PTPRK: variants seen among roughly 807,000 people sequenced by gnomAD.
The protein encoded by PTPRK is receptor-type tyrosine-protein phosphatase kappa.
In PTPRK, 75 loss-of-function variants were observed where a neutral mutation model predicts 178.0. That is an observed-to-expected ratio of 0.42 (90% CI 0.35 to 0.51). PTPRK has a LOEUF of 0.51. Ranked by LOEUF, PTPRK falls within the 20% of genes least tolerant of loss-of-function variation. PTPRK has a pLI of 0.02. For missense variants in PTPRK, 1,441 were observed against 1,797.8 expected, an observed-to-expected ratio of 0.80 and a Z score of 3.59; for synonymous variants, 637 against 620.6, an observed-to-expected ratio of 1.03 and a Z score of -0.39.
intron 13 of PTPRK, among the ~76,000 whole-genome samples, chr6:128,036,625 A>G (rs888590052): frequency 6.6e-6 from 1 of 152,246 alleles, no homozygotes; most frequent in African/African-American, 2.4e-5. Context: ...GAAATAAATA[A>G]AGAAAATAAA....
chr6:128,493,470 G>A (rs1338198613), intron 1 of PTPRK, among the ~76,000 whole-genome samples: 1 of 151,812 alleles, frequency 6.6e-6, no homozygotes, highest in East Asian at 1.9e-4. Context: ...GCTGAGGCAG[G>A]AGAATGGCGT....
chr6:128,304,046 C>T (rs1236394124), intron 3 of PTPRK, among the ~76,000 whole-genome samples: 1 of 152,144 alleles, frequency 6.6e-6, no homozygotes, highest in Non-Finnish European at 1.5e-5. Context: ...AATTTTGGAG[C>T]ATTAACATTA....
intron 29 of PTPRK, among the ~76,000 whole-genome samples, chr6:127,971,981 C>T (rs751684219): frequency 2.0e-5 from 3 of 152,112 alleles, no homozygotes; most frequent in Non-Finnish European, 4.4e-5. Context: ...GCACCCCAAT[C>T]AAAACCAATG....
At chr6:128,384,792 T>G (rs1838462724) in intron 2 of PTPRK, among the ~76,000 whole-genome samples, 1 of 152,020 alleles carries the variant, frequency 6.6e-6, no homozygotes, top group Admixed American at 6.6e-5. Context: ...TGTCAAATAT[T>G]ATATTAATGC....
At chr6:128,210,457 G>T (rs889457409) in intron 6 of PTPRK, among the ~76,000 whole-genome samples, 3 of 150,988 alleles carry the variant, frequency 2.0e-5, no homozygotes, top group Middle Eastern at 3.2e-3. Flanking sequence ...TTTTGGGGAG[G>T]GGGGGTGGGG....
intron 2 of PTPRK, among the ~76,000 whole-genome samples, chr6:128,359,539 G>A (rs1398099255): frequency 1.3e-5 from 2 of 151,956 alleles, no homozygotes; most frequent in Non-Finnish European, 2.9e-5. Flanking sequence ...ATCACCTGAG[G>A]TCAGGAGCCC....
chr6:128,444,798 C>A (rs1208807843), intron 1 of PTPRK, among the ~76,000 whole-genome samples: 1 of 152,062 alleles, frequency 6.6e-6, no homozygotes. Flanking sequence ...TATTTATTGT[C>A]CATTCAAAGA....
Position 128,029,928 on chromosome 6 carries a change from G to A in PTPRK, c.2195-20660C>T, listed in dbSNP as rs536900994. Among the ~76,000 whole-genome samples the A allele has an allele frequency of 8.5e-5, 13 of 152,230 alleles. No homozygotes were observed. The South Asian group carries it at 2.3e-3, about 27-fold the overall frequency. On this transcript the variant is annotated intron_variant, in intron 13 of 29. Transcript: ENST00000368226. ...TTTGGATGCACATGATTTATTAAGG[G>A]AGTGTTGTCAGATGAAAAGGAGAGA...
At chr6:128,482,888 CA>C (rs1852280333) in intron 1 of PTPRK, among the ~76,000 whole-genome samples, 1 of 152,170 alleles carries the variant, frequency 6.6e-6, no homozygotes, top group African/African-American at 2.4e-5. Flanking sequence ...TTATTCCAGA[CA>C]ACAACAAATG....
At chr6:128,518,869 A>G in intron 1 of PTPRK, 1 of 399,564 alleles carries the variant, frequency 2.5e-6, no homozygotes. Context: ...AACTCCCTTT[A>G]CAGAGTTCTA....
At position 128,184,726 on chromosome 6, in the gene PTPRK, C is replaced by G; in HGVS notation, c.869-1G>C. 1 of 1,612,320 alleles carries G rather than the reference C, an allele frequency of 6.2e-7. No homozygotes were observed. Among genetic ancestry groups the G allele is most frequent in the Non-Finnish European group, 8.5e-7 (1 of 1,178,934 alleles). ...GGAGGAGCAATGGGTCTTGGCGGTTCTAGGAGAGATGAGTGTGCACTTCAA... is the reference window on the plus strand; with the variant it reads ...GGAGGAGCAATGGGTCTTGGCGGTTGTAGGAGAGATGAGTGTGCACTTCAA... On this transcript the variant is annotated splice_acceptor_variant, in intron 6 of 29. Coordinates refer to ENST00000368226, the MANE Select transcript of PTPRK (RefSeq NM_002844.4). LOFTEE classifies it high-confidence loss of function.
chr6:127,971,182 T>C (rs1773859746), intron 29 of PTPRK, among the ~76,000 whole-genome samples: 2 of 152,208 alleles, frequency 1.3e-5, no homozygotes, highest in Non-Finnish European at 2.9e-5. Flanking sequence ...CTGCCTTTCC[T>C]CTAAGCCCAT....
chr6:128,496,399 T>C (rs1169774660), intron 1 of PTPRK, among the ~76,000 whole-genome samples: 4 of 152,346 alleles, frequency 2.6e-5, no homozygotes, highest in East Asian at 1.9e-4. Flanking sequence ...GATTATTATA[T>C]ATTATATCTA....
intron 7 of PTPRK, among the ~76,000 whole-genome samples, chr6:128,169,429 G>T (rs1260086359): frequency 1.3e-5 from 2 of 151,902 alleles, no homozygotes; most frequent in Non-Finnish European, 2.9e-5. Context: ...TTAAATTCAT[G>T]CTTATTGCTA....
chr6:128,001,652 T>A (rs1289410395), intron 15 of PTPRK, among the ~76,000 whole-genome samples: 1 of 151,952 alleles, frequency 6.6e-6, no homozygotes, highest in Non-Finnish European at 1.5e-5. Flanking sequence ...ATTTTCTCTT[T>A]ATAATAAAAC....
intron 2 of PTPRK, among the ~76,000 whole-genome samples, chr6:128,369,906 T>C (rs1836030188): frequency 6.6e-6 from 1 of 151,948 alleles, no homozygotes; most frequent in African/African-American, 2.4e-5. Context: ...GACAGTCTTG[T>C]AAGAGAAAAA....
At chr6:128,514,327 T>C (rs182595507) in intron 1 of PTPRK, among the ~76,000 whole-genome samples, 2 of 152,188 alleles carry the variant, frequency 1.3e-5, no homozygotes, top group Non-Finnish European at 2.9e-5. Flanking sequence ...TTACCTTCTT[T>C]CTAACCTAAA....
chr6:128,209,580 T>C (rs1207263265), intron 6 of PTPRK, among the ~76,000 whole-genome samples: 1 of 152,154 alleles, frequency 6.6e-6, no homozygotes, highest in Admixed American at 6.6e-5. Context: ...GTCATTCATA[T>C]GGCACTTTAT....
chr6:127,991,618 T>C (rs1429075267), intron 19 of PTPRK, among the ~76,000 whole-genome samples: 1 of 149,762 alleles, frequency 6.7e-6, no homozygotes, highest in African/African-American at 2.4e-5. Flanking sequence ...CCTCTACACT[T>C]CCCAATTTAG....
Sources: gnomAD v4.1 joint callset for allele counts (sites outside exome capture counted in the v4.1 genomes callset) on GRCh38, gnomAD v4.1.1 for gene constraint, MANE v1.5 for transcripts, NCBI Gene and HGNC (gene_info 2026-07-23, HGNC 2026-07-21) for gene names.